Variants in PLEKHA5 observed in about 807,000 individuals in gnomAD.
PLEKHA5 encodes pleckstrin homology domain-containing family A member 5.
In PLEKHA5, 55 loss-of-function variants were observed where a neutral mutation model predicts 181.9. That is an observed-to-expected ratio of 0.30 (90% confidence interval 0.24 to 0.38). The LOEUF (loss-of-function observed/expected upper bound fraction) is 0.38, where lower values mean the gene tolerates loss of function less well. Among genes scored for constraint, PLEKHA5 ranks in the 10% least tolerant of loss-of-function variants. The probability of loss-of-function intolerance (pLI) is 1.00; values close to 1 mark genes in which losing one functional copy is unlikely to be tolerated. For synonymous variants in PLEKHA5, 535 were observed against 529.4 expected (o/e 1.01, Z -0.15); for missense variants, 1,432 against 1,549.5 (o/e 0.92, Z 1.27).
At chr12:19,291,787 CACGTTGAATTAATA>C in intron 15 of PLEKHA5, 90 bp downstream of exon 15, 1 of 650,232 alleles carries the variant, frequency 1.5e-6, no homozygotes, top group Non-Finnish European at 2.6e-6. Flanking sequence ...CTATTTCAGT[CACGTTGAATTAATA>C]ACATGACTTT....
chr12:19,269,403 A>AG (rs1468355047), intron 8 of PLEKHA5, among the ~76,000 whole-genome samples: 1 of 151,550 alleles, frequency 6.6e-6, no homozygotes, highest in Non-Finnish European at 1.5e-5. Context: ...AAGAAAAAAA[A>AG]AAAAAAAGGT....
chr12:19,158,526 T>A (rs552607385), intron 3 of PLEKHA5, among the ~76,000 whole-genome samples: 1 of 152,302 alleles, frequency 6.6e-6, no homozygotes, highest in Admixed American at 6.5e-5. Flanking sequence ...TTTCTTTTTT[T>A]TCAGGTTCTG....
At chr12:19,261,807 G>A (rs2068588245) in intron 7 of PLEKHA5, among the ~76,000 whole-genome samples, 2 of 152,172 alleles carry the variant, frequency 1.3e-5, no homozygotes, top group South Asian at 4.1e-4. Flanking sequence ...GAACTGATTA[G>A]CAGTTTCTAC....
chr12:19,138,234 G>A (rs949745735), intron 3 of PLEKHA5, among the ~76,000 whole-genome samples: 2 of 152,058 alleles, frequency 1.3e-5, no homozygotes, highest in Non-Finnish European at 2.9e-5. Context: ...GAAATTAAGG[G>A]TGAAAAGTTA....
intron 12 of PLEKHA5, among the ~76,000 whole-genome samples, chr12:19,286,691 G>T (rs1423708622): frequency 6.6e-6 from 1 of 152,096 alleles, no homozygotes; most frequent in East Asian, 1.9e-4. Flanking sequence ...TTCAGGCCGG[G>T]CAAGTGGCTC....
intron 3 of PLEKHA5, among the ~76,000 whole-genome samples, chr12:19,161,569 C>T (rs1279164047): frequency 6.6e-6 from 1 of 152,182 alleles, no homozygotes; most frequent in African/African-American, 2.4e-5. Flanking sequence ...TTATAATTTA[C>T]AGCTTCTCAG....
At position 19,269,959 on chromosome 12, in the gene PLEKHA5, C is replaced by T; in HGVS notation, c.827+74C>T. On this transcript the variant is annotated intron_variant, in intron 9 of 31. Transcript: ENST00000429027. The stretch of plus-strand genomic sequence containing the variant: ...CCATGCCTTGCAAGTATTTCACTGT[C>T]ATAGTACATATCATTTTAATAGTCA... The T allele has an allele frequency of 3.8e-6, 3 of 797,556 alleles. No homozygotes were observed. In the South Asian group the frequency reaches 4.7e-5, roughly 12 times the overall value. The allele number at this position is 797,556 out of a possible 1,614,324, so 49.4% of individuals were successfully genotyped here. A position where few individuals can be genotyped will look rare whatever the true frequency, so the allele number is the denominator to read the frequency against.
At chr12:19,366,143 G>T (rs777908227) in intron 30 of PLEKHA5, 34 bp downstream of exon 30, 79 of 1,538,388 alleles carry the variant, frequency 5.1e-5, no homozygotes, top group Non-Finnish European at 6.7e-5. Context: ...TTTCTACCTG[G>T]TGCTTCCTCT....
At chr12:19,292,154 C>G (rs2078610439) in intron 15 of PLEKHA5, among the ~76,000 whole-genome samples, 1 of 152,194 alleles carries the variant, frequency 6.6e-6, no homozygotes, top group South Asian at 2.1e-4. Context: ...GCCTGTAATC[C>G]CAGCACTTTG....
intron 15 of PLEKHA5, among the ~76,000 whole-genome samples, chr12:19,300,137 A>G (rs2081064604): frequency 1.3e-5 from 2 of 152,238 alleles, no homozygotes; most frequent in Admixed American, 6.5e-5. Context: ...ATATGGACCA[A>G]TTAACCTTTA....
chr12:19,351,425 A>G (rs1204956415), intron 25 of PLEKHA5, among the ~76,000 whole-genome samples: 1 of 152,162 alleles, frequency 6.6e-6, no homozygotes, highest in Non-Finnish European at 1.5e-5. Flanking sequence ...TACAACAACT[A>G]TTTGACAAAA....
chr12:19,358,181 T>G, intron 26 of PLEKHA5, 47 bp from the exon 27 acceptor site: 1 of 1,265,112 alleles, frequency 7.9e-7, no homozygotes, highest in Admixed American at 1.9e-5. Context: ...ATCATACTTT[T>G]CAGAAGTTTT....
chr12:19,275,056 A>G (rs2152739271), intron 11 of PLEKHA5, 73 bp downstream of exon 11: 2 of 955,122 alleles, frequency 2.1e-6, no homozygotes, highest in East Asian at 2.5e-5. Flanking sequence ...TTTCTGAGCT[A>G]CTGATTAAAA....
intron 23 of PLEKHA5, among the ~76,000 whole-genome samples, chr12:19,346,760 G>A (rs1324566699): frequency 1.3e-5 from 2 of 152,146 alleles, no homozygotes; most frequent in Admixed American, 1.3e-4. Flanking sequence ...GAGTTTCAGT[G>A]TGAAGCTAAC....
intron 29 of PLEKHA5, among the ~76,000 whole-genome samples, chr12:19,363,910 T>C (rs1259966706): frequency 1.3e-5 from 2 of 152,210 alleles, no homozygotes; most frequent in African/African-American, 2.4e-5. Context: ...CTTAAATGAA[T>C]AGCAAGATTG....
chr12:19,248,401 T>A (rs543415751), intron 3 of PLEKHA5, among the ~76,000 whole-genome samples: 3 of 152,290 alleles, frequency 2.0e-5, no homozygotes, highest in African/African-American at 7.2e-5. Flanking sequence ...TTTCGCCATG[T>A]TGTCCAGGCT....
chr12:19,144,666 G>C (rs1190423896), intron 3 of PLEKHA5, among the ~76,000 whole-genome samples: 1 of 152,184 alleles, frequency 6.6e-6, no homozygotes, highest in Non-Finnish European at 1.5e-5. Context: ...ATAACTGTTT[G>C]AAGCAATGTA....
chr12:19,330,562 ATAAAT>A (rs1391009684), intron 20 of PLEKHA5, among the ~76,000 whole-genome samples: 1 of 151,466 alleles, frequency 6.6e-6, no homozygotes, highest in African/African-American at 2.4e-5. Flanking sequence ...CATGACAAGT[ATAAAT>A]TCGTAAAAAA....
At chr12:19,233,433 AAG>A (rs1395192878) in intron 3 of PLEKHA5, among the ~76,000 whole-genome samples, 18 of 152,170 alleles carry the variant, frequency 1.2e-4, no homozygotes, top group Admixed American at 2.0e-4. Flanking sequence ...CTGTATGGAA[AAG>A]AGATTGGTAG....
Sources: gnomAD v4.1 joint callset for allele counts (sites outside exome capture counted in the v4.1 genomes callset) on GRCh38, gnomAD v4.1.1 for gene constraint, MANE v1.5 for transcripts, NCBI Gene and HGNC (gene_info 2026-07-23, HGNC 2026-07-21) for gene names.